Variants in LRRC4C observed in about 807,000 individuals in gnomAD.
The protein encoded by LRRC4C is leucine-rich repeat-containing protein 4C.
Under a neutral mutation model 33.6 loss-of-function variants are expected in LRRC4C, and 5 were observed. The observed-to-expected ratio is 0.15, with a 90% CI of 0.08 to 0.31. The LOEUF is 0.31. LRRC4C is among the 10% of genes least tolerant of loss of function. The probability of loss-of-function intolerance (pLI) is 1.00; values close to 1 mark genes in which losing one functional copy is unlikely to be tolerated. For missense variants in LRRC4C, 560 were observed against 796.7 expected, an observed-to-expected ratio of 0.70 and a Z score of 3.58; for synonymous variants, 329 against 302.0, an observed-to-expected ratio of 1.09 and a Z score of -0.93.
chr11:41,424,730 A>G (rs1259256616), intron 1 of LRRC4C, among the ~76,000 whole-genome samples: 1 of 152,106 alleles, frequency 6.6e-6, no homozygotes, highest in Non-Finnish European at 1.5e-5. Flanking sequence ...TATAATACGC[A>G]TTTATTTTAA....
chr11:40,666,180 A>G (rs1316022254), intron 2 of LRRC4C, among the ~76,000 whole-genome samples: 1 of 152,144 alleles, frequency 6.6e-6, no homozygotes, highest in Non-Finnish European at 1.5e-5. Context: ...CTCACAAATC[A>G]CTATGCAAAA....
chr11:40,896,276 A>C (rs1010973877), intron 2 of LRRC4C, among the ~76,000 whole-genome samples: 2 of 152,166 alleles, frequency 1.3e-5, no homozygotes, highest in African/African-American at 4.8e-5. Context: ...CACTGTAGGA[A>C]TTAATTGAAC....
chr11:41,115,712 G>A (rs549794705), intron 1 of LRRC4C, among the ~76,000 whole-genome samples: 5 of 151,866 alleles, frequency 3.3e-5, no homozygotes, highest in South Asian at 2.1e-4. Flanking sequence ...CCACTTTGAC[G>A]CTCATTTCTA....
chr11:40,586,430 T>C (rs1958747907), intron 3 of LRRC4C, among the ~76,000 whole-genome samples: 1 of 148,386 alleles, frequency 6.7e-6, no homozygotes, highest in South Asian at 2.2e-4. Context: ...AGGTTGCCTG[T>C]TCACTCTGAT....
At chr11:41,434,911 TC>T (rs1302184449) in intron 1 of LRRC4C, among the ~76,000 whole-genome samples, 1 of 152,166 alleles carries the variant, frequency 6.6e-6, no homozygotes, top group Admixed American at 6.5e-5. Context: ...TATTTTGTTT[TC>T]AGGCTGAGGT....
intron 3 of LRRC4C, among the ~76,000 whole-genome samples, chr11:40,448,916 T>A (rs1321051238): frequency 2.0e-5 from 3 of 152,212 alleles, no homozygotes; most frequent in Admixed American, 6.5e-5. Flanking sequence ...ATCTGTTGTT[T>A]CCTGACATTT....
At chr11:41,263,232 A>G (rs777567064) in intron 1 of LRRC4C, among the ~76,000 whole-genome samples, 6 of 152,150 alleles carry the variant, frequency 3.9e-5, no homozygotes, top group Non-Finnish European at 8.8e-5. Flanking sequence ...AACATTTATT[A>G]TTGATTTTTT....
chr11:40,295,081 C>A (rs2136619152), intron 4 of LRRC4C, among the ~76,000 whole-genome samples: 1 of 152,262 alleles, frequency 6.6e-6, no homozygotes, highest in Non-Finnish European at 1.5e-5. Context: ...AGGATGTGGA[C>A]TTTTCCATTA....
intron 1 of LRRC4C, among the ~76,000 whole-genome samples, chr11:41,050,268 T>G (rs1858103215): frequency 6.6e-6 from 1 of 152,168 alleles, no homozygotes; most frequent in African/African-American, 2.4e-5. Context: ...TGTTAGTATA[T>G]CCCTTAAACA....
Position 41,086,888 on chromosome 11 carries a change from C to CTT in LRRC4C, c.-495-153167_-495-153166dup, listed in dbSNP as rs113404348. ...AGTCTGCAGGGAAATAGATATGAGT[C>CTT]TTTTTTTTTTTTTCAGAGTTGTGGA... is the stretch of plus-strand genomic sequence containing the variant. On this transcript the variant is annotated intron_variant, in intron 1 of 6. Transcript: ENST00000528697. 7.3e-4 allele frequency among the ~76,000 whole-genome samples: 104 copies of CTT among 141,634 alleles called. 3 individuals are homozygous for CTT. The South Asian group carries it at 0.014, about 19-fold the overall frequency. 92.9% of individuals were successfully genotyped at this position (141,634 alleles called of 152,430 possible). A position where few individuals can be genotyped will look rare whatever the true frequency, so the allele number is the denominator to read the frequency against.
chr11:41,323,285 A>G (rs1951011640), intron 1 of LRRC4C, among the ~76,000 whole-genome samples: 1 of 152,188 alleles, frequency 6.6e-6, no homozygotes, highest in Non-Finnish European at 1.5e-5. Context: ...CCTACCTGAG[A>G]AATCTACAAA....
chr11:40,835,147 C>G (rs1405219774), intron 2 of LRRC4C, among the ~76,000 whole-genome samples: 1 of 152,018 alleles, frequency 6.6e-6, no homozygotes, highest in African/African-American at 2.4e-5. Flanking sequence ...AACCACCATC[C>G]TGATATTTCT....
At chr11:40,711,542 G>T (rs1418765598) in intron 2 of LRRC4C, among the ~76,000 whole-genome samples, 1 of 152,110 alleles carries the variant, frequency 6.6e-6, no homozygotes, top group Non-Finnish European at 1.5e-5. Context: ...TAATACATAT[G>T]TAGAATTTTT....
At chr11:40,742,757 G>A (rs922063083) in intron 2 of LRRC4C, among the ~76,000 whole-genome samples, 4 of 152,020 alleles carry the variant, frequency 2.6e-5, no homozygotes, top group Non-Finnish European at 5.9e-5. Flanking sequence ...TCTGTTCACT[G>A]ATTTGTGCTA....
intron 1 of LRRC4C, among the ~76,000 whole-genome samples, chr11:41,077,182 A>C (rs542167609): frequency 1.3e-5 from 2 of 152,126 alleles, no homozygotes; most frequent in Non-Finnish European, 2.9e-5. Context: ...TGCACAGTGC[A>C]AGCAGTCAGT....
chr11:41,455,743 G>A (rs940184188), intron 1 of LRRC4C, among the ~76,000 whole-genome samples: 2 of 151,906 alleles, frequency 1.3e-5, no homozygotes, highest in African/African-American at 4.8e-5. Context: ...TTTCATCATA[G>A]CCTTCACAAC....
intron 1 of LRRC4C, among the ~76,000 whole-genome samples, chr11:41,177,748 C>A (rs1400800616): frequency 6.6e-6 from 1 of 152,180 alleles, no homozygotes. Flanking sequence ...TTTATATAGT[C>A]ATTTTTCTCC....
intron 1 of LRRC4C, among the ~76,000 whole-genome samples, chr11:41,453,739 T>C (rs1012271270): frequency 3.3e-5 from 5 of 152,050 alleles, no homozygotes; most frequent in African/African-American, 9.7e-5. Flanking sequence ...GCCTGGCACA[T>C]AGAATACCTT....
chr11:40,518,256 A>G (rs901629395), intron 3 of LRRC4C, among the ~76,000 whole-genome samples: 2 of 152,222 alleles, frequency 1.3e-5, no homozygotes, highest in Non-Finnish European at 2.9e-5. Context: ...CAAAATTGAC[A>G]AATGGGATCT....
Sources: allele counts gnomAD v4.1 joint callset (sites outside exome capture counted in the v4.1 genomes callset), GRCh38; gene constraint gnomAD v4.1.1; transcripts MANE v1.5; gene names NCBI Gene and HGNC (gene_info 2026-07-23, HGNC 2026-07-21).